Variants in ATP8A1 observed in about 807,000 individuals in gnomAD.
ATP8A1 encodes the protein ATPase phospholipid transporting 8A1, also known as phospholipid-transporting ATPase IA.
ATP8A1 carries 90 observed loss-of-function variants against 177.7 expected under a neutral mutation model. The observed-to-expected ratio is 0.51, with a 90% CI of 0.43 to 0.60. The LOEUF (loss-of-function observed/expected upper bound fraction) is 0.60. Ranked by LOEUF, ATP8A1 falls within the 20% of genes least tolerant of loss-of-function variation. The pLI is 0.00. For synonymous variants in ATP8A1, 493 were observed against 485.9 expected (o/e 1.01, Z -0.19); for missense variants, 1,072 against 1,392.8 (o/e 0.77, Z 3.67).
At chr4:42,464,659 G>A in intron 27 of ATP8A1, 31 bp downstream of exon 27, 1 of 1,302,720 alleles carries the variant, frequency 7.7e-7, no homozygotes, top group South Asian at 1.4e-5. Flanking sequence ...GTATGCAAAT[G>A]ACAAGGATTT....
At chr4:42,577,594 G>C (rs35144554) in intron 12 of ATP8A1, among the ~76,000 whole-genome samples, 35,372 of 151,906 alleles carry the variant, frequency 0.23, 4,245 homozygotes, top group East Asian at 0.36. Context: ...ATTTAATTTA[G>C]ATAAATTCAT....
chr4:42,481,263 TGA>T (rs1203811197), intron 25 of ATP8A1, among the ~76,000 whole-genome samples: 1 of 152,212 alleles, frequency 6.6e-6, no homozygotes, highest in East Asian at 1.9e-4. Flanking sequence ...AAAAGGGCTA[TGA>T]GAGGTCCTCT....
chr4:42,452,621 T>C (rs1718049880), intron 29 of ATP8A1, among the ~76,000 whole-genome samples: 1 of 152,226 alleles, frequency 6.6e-6, no homozygotes, highest in Admixed American at 6.5e-5. Context: ...CTAAAGGCTT[T>C]CACAATTTAA....
intron 4 of ATP8A1, among the ~76,000 whole-genome samples, chr4:42,623,614 C>T (rs752938353): frequency 3.3e-5 from 5 of 152,036 alleles, no homozygotes; most frequent in South Asian, 2.1e-4. Context: ...AACCAAATAC[C>T]GTGTGTTCTC....
chr4:42,656,504 G>A (rs10014420), intron 1 of ATP8A1, among the ~76,000 whole-genome samples: 15,244 of 151,786 alleles, frequency 0.1, 1,117 homozygotes, highest in African/African-American at 0.2. Flanking sequence ...GGGATCTGCT[G>A]AGTGGAAATC....
chr4:42,510,978 T>A (rs993968970), intron 22 of ATP8A1, among the ~76,000 whole-genome samples: 1 of 152,102 alleles, frequency 6.6e-6, no homozygotes, highest in African/African-American at 2.4e-5. Flanking sequence ...TTAACACAAA[T>A]CCTTAAGAAG....
chr4:42,566,480 T>C (rs1424591647), intron 15 of ATP8A1, among the ~76,000 whole-genome samples: 2 of 152,198 alleles, frequency 1.3e-5, no homozygotes, highest in Non-Finnish European at 2.9e-5. Context: ...TCATTGGCAA[T>C]GTGAAACCAA....
intron 22 of ATP8A1, among the ~76,000 whole-genome samples, chr4:42,517,344 T>C (rs1725664542): frequency 1.3e-5 from 2 of 150,070 alleles, no homozygotes; most frequent in African/African-American, 4.9e-5. Context: ...GCTGACACTA[T>C]AAGTGGTTTC....
chr4:42,612,901 A>C (rs1736514421), intron 5 of ATP8A1, among the ~76,000 whole-genome samples: 1 of 152,236 alleles, frequency 6.6e-6, no homozygotes, highest in East Asian at 1.9e-4. Context: ...TCCTCTGTGA[A>C]TATAAAAGGG....
intron 5 of ATP8A1, among the ~76,000 whole-genome samples, chr4:42,611,097 A>G (rs1306950979): frequency 6.6e-6 from 1 of 152,224 alleles, no homozygotes; most frequent in Non-Finnish European, 1.5e-5. Context: ...ACATCAACTC[A>G]ACACCTTTTT....
At chr4:42,478,048 A>T (rs959254211) in intron 25 of ATP8A1, among the ~76,000 whole-genome samples, 1 of 152,116 alleles carries the variant, frequency 6.6e-6, no homozygotes, top group Non-Finnish European at 1.5e-5. Context: ...TCTCAAAAAC[A>T]TGTAGAAAAA....
At chr4:42,634,786 G>A (rs189125997) in intron 1 of ATP8A1, among the ~76,000 whole-genome samples, 73 of 152,232 alleles carry the variant, frequency 4.8e-4, no homozygotes, top group African/African-American at 1.7e-3. Flanking sequence ...GGCATACTAT[G>A]GGAGAAAATA....
chr4:42,569,120 T>C, intron 15 of ATP8A1, 41 bp downstream of exon 15: 3 of 1,496,192 alleles, frequency 2.0e-6, no homozygotes, highest in Non-Finnish European at 2.7e-6. Context: ...ATGCAAACCT[T>C]TTATAGGGAT....
At chr4:42,523,350 C>T (rs77050456) in intron 21 of ATP8A1, among the ~76,000 whole-genome samples, 1,916 of 152,282 alleles carry the variant, frequency 0.013, 42 homozygotes, top group African/African-American at 0.044. Context: ...GGTCATTTAA[C>T]TCTTAGAATG....
chr4:42,546,152 G>A (rs994391915), intron 19 of ATP8A1, among the ~76,000 whole-genome samples: 1 of 151,806 alleles, frequency 6.6e-6, no homozygotes, highest in African/African-American at 2.4e-5. Context: ...AGTAACCTCG[G>A]TCCAAAGGTT....
At chr4:42,589,577 C>T (rs527996218) in intron 7 of ATP8A1, among the ~76,000 whole-genome samples, 2 of 152,214 alleles carry the variant, frequency 1.3e-5, no homozygotes, top group East Asian at 1.9e-4. Flanking sequence ...AGCTTTCTTT[C>T]GTAAAAGCTG....
intron 33 of ATP8A1, among the ~76,000 whole-genome samples, chr4:42,432,703 C>T (rs1338377164): frequency 6.6e-6 from 1 of 152,130 alleles, no homozygotes; most frequent in South Asian, 2.1e-4. Flanking sequence ...TCATATGAAC[C>T]TTGGCATGAA....
intron 6 of ATP8A1, among the ~76,000 whole-genome samples, chr4:42,593,202 C>T (rs1734365474): frequency 1.3e-5 from 2 of 152,026 alleles, no homozygotes; most frequent in Non-Finnish European, 2.9e-5. Context: ...CTACCTAGAA[C>T]CTGAGACAAT....
intron 20 of ATP8A1, among the ~76,000 whole-genome samples, chr4:42,540,729 A>G (rs956430707): frequency 6.6e-6 from 1 of 152,104 alleles, no homozygotes; most frequent in Non-Finnish European, 1.5e-5. Flanking sequence ...GAGCTAAAAA[A>G]AATATGATCA....
Sources: allele counts gnomAD v4.1 joint callset (sites outside exome capture counted in the v4.1 genomes callset), GRCh38; gene constraint gnomAD v4.1.1; transcripts MANE v1.5; gene names NCBI Gene and HGNC (gene_info 2026-07-23, HGNC 2026-07-21).